TRIM58: variants seen among roughly 807,000 people sequenced by gnomAD.
The protein encoded by TRIM58 is E3 ubiquitin-protein ligase TRIM58.
TRIM58 carries 38 observed loss-of-function variants against 34.1 expected under a neutral mutation model. That is an observed-to-expected ratio of 1.12 (90% confidence interval 0.86 to 1.46). The LOEUF (loss-of-function observed/expected upper bound fraction) is 1.46. Among genes scored for constraint, TRIM58 ranks in the 40% most tolerant of loss-of-function variants. TRIM58 has a pLI of 0.00. For missense variants in TRIM58, 677 were observed against 642.0 expected (o/e 1.05, Z -0.59); for synonymous variants, 273 against 275.7 (o/e 0.99, Z 0.10).
At position 247,857,515 on chromosome 1, in the gene TRIM58, G is replaced by GGCCCGGGGCGCGGC. The variant is rs1663662918; in HGVS notation, c.271_284dup (p.Cys96ProfsTer13). ...GTGCGGCGGCTGGGGTTGGGCGCGG[G>GGCCCGGGGCGCGGC]GCCCGGGGCGCGGCGATGCGCGCGG... On this transcript the variant is annotated frameshift_variant, in exon 1 of 6. Coordinates refer to ENST00000366481, the MANE Select transcript of TRIM58 (RefSeq NM_015431.4). LOFTEE classifies it high-confidence loss of function. 12 of 1,287,806 alleles carry GGCCCGGGGCGCGGC rather than the reference G, an allele frequency of 9.3e-6. No individual in the cohort carries two copies. In the East Asian group the frequency reaches 3.5e-4, roughly 37 times the overall value. The allele number at this position is 1,287,806 out of a possible 1,614,324, so 79.8% of individuals were successfully genotyped here. A position where few individuals can be genotyped will look rare whatever the true frequency, so the allele number is the denominator to read the frequency against.
intron 1 of TRIM58, among the ~76,000 whole-genome samples, chr1:247,858,337 A>C (rs1313387201): frequency 6.6e-6 from 1 of 152,130 alleles, no homozygotes; most frequent in African/African-American, 2.4e-5. Flanking sequence ...AAATGGGAGT[A>C]TTTGGTCCCC....
Position 247,876,458 on chromosome 1 carries a change from C to T in TRIM58, c.1430C>T (p.Pro477Leu). 6.2e-7 allele frequency: 1 copy of T among 1,614,038 alleles called. No individual in the cohort carries two copies. Among genetic ancestry groups the T allele is most frequent in the Non-Finnish European group, 8.5e-7 (1 of 1,179,964 alleles). Residue 477 changes from proline (P) to leucine (L), a missense_variant, in exon 6 of 6, where the codon CCT becomes CTT. By Grantham distance (98) the Pro-to-Leu change is moderately conservative. Transcript: ENST00000366481. ...TGGGCATCCAGGGATCATTTAGATC[C>T]TGCTTCTGATGTAAGAGATGATCAT... ...GNWASRDHLD[P>L]ASDVRDDHL
rs945329236 is a variant in TRIM58 at position 247,861,797 on chromosome 1, G to T, written c.516+1085G>T. Among the ~76,000 whole-genome samples the T allele has an allele frequency of 4.3e-4, 66 of 151,846 alleles. 1 individual carries two copies. The highest frequency in any genetic ancestry group is 3.8e-4 in the Non-Finnish European group (26 of 67,986). ...CTAGATTACAATATAGATATATACGGATAGGAAAAGATAACACTTATCCCA... is the reference window on the plus strand; with the variant it reads ...CTAGATTACAATATAGATATATACGTATAGGAAAAGATAACACTTATCCCA... On this transcript the variant is annotated intron_variant, in intron 2 of 5. Transcript: ENST00000366481.
At chr1:247,869,338 G>A (rs1419471155) in intron 5 of TRIM58, among the ~76,000 whole-genome samples, 1 of 152,162 alleles carries the variant, frequency 6.6e-6, no homozygotes, top group African/African-American at 2.4e-5. Flanking sequence ...GTGAAGGACT[G>A]AAAGTTTCAA....
intron 3 of TRIM58, 138 bp from the exon 4 acceptor site, chr1:247,867,707 A>G (rs1285137444): frequency 6.9e-6 from 7 of 1,017,786 alleles, no homozygotes; most frequent in Non-Finnish European, 1.5e-6. Context: ...AAAATAGAAA[A>G]GAGATTTATT....
intron 3 of TRIM58, among the ~76,000 whole-genome samples, chr1:247,865,963 G>C (rs1004945598): frequency 6.6e-6 from 1 of 152,078 alleles, no homozygotes; most frequent in East Asian, 1.9e-4. Flanking sequence ...ATATTTGCAA[G>C]TACAATGACT....
At chr1:247,873,599 G>A (rs1043086667) in intron 5 of TRIM58, among the ~76,000 whole-genome samples, 1 of 152,180 alleles carries the variant, frequency 6.6e-6, no homozygotes, top group African/African-American at 2.4e-5. Flanking sequence ...GGATGACAAT[G>A]GTGACCCTCA....
At chr1:247,860,739 G>T (rs574367336) in intron 2 of TRIM58, 27 bp downstream of exon 2, 3 of 1,557,700 alleles carry the variant, frequency 1.9e-6, no homozygotes, top group Admixed American at 1.7e-5. Context: ...GCTTTAGGAG[G>T]CTTGCCTGTT....
At position 247,876,136 on chromosome 1, in the gene TRIM58, A is replaced by G; in HGVS notation, c.1108A>G (p.Lys370Glu). The G allele has an allele frequency of 6.2e-7, 1 of 1,614,146 alleles. No homozygotes were observed. Among genetic ancestry groups the G allele is most frequent in the Non-Finnish European group, 8.5e-7 (1 of 1,180,014 alleles). Residue 370 changes from lysine to glutamate, a missense_variant, in exon 6 of 6, where the codon AAG (lysine) becomes GAG (glutamate). Transcript: ENST00000366481. ...LGVCQDTLPR[K>E]GETTPSPENG... ...GGTCTGTCAAGACACACTGCCAAGA[A>G]AGGGGGAAACCACGCCATCTCCTGA...
chr1:247,871,648 C>T (rs1178076380), intron 5 of TRIM58, among the ~76,000 whole-genome samples: 1 of 152,116 alleles, frequency 6.6e-6, no homozygotes, highest in Non-Finnish European at 1.5e-5. Context: ...GTCATGGCAC[C>T]CTCAGACTCA....
At chr1:247,874,205 T>A (rs4925573) in intron 5 of TRIM58, among the ~76,000 whole-genome samples, 2 of 152,226 alleles carry the variant, frequency 1.3e-5, no homozygotes, top group African/African-American at 4.8e-5. Context: ...TGTACAGGAG[T>A]CATGGTGCTG....
chr1:247,875,816 G>A (rs980993163), intron 5 of TRIM58, 84 bp from the exon 6 acceptor site: 1 of 1,183,000 alleles, frequency 8.5e-7, no homozygotes, highest in Admixed American at 2.5e-5. Context: ...GTGAGGAACT[G>A]TGGGACTATT....
rs913375753 is a variant in TRIM58, at chr1:247,860,560, G to A, written c.421-57G>A. 3.2e-6 allele frequency: 4 copies of A among 1,236,332 alleles called. No individual in the cohort carries two copies. The South Asian group carries it at 5.1e-5, about 16-fold the overall frequency. 76.6% of individuals were successfully genotyped at this position (1,236,332 alleles called of 1,614,324 possible). A position where few individuals can be genotyped will look rare whatever the true frequency, so the allele number is the denominator to read the frequency against. ...GACTTTTGTATTTCCTCACACATCT[G>A]TGTGACGTTAGGTACAGATTGAGGG... On this transcript the variant is annotated intron_variant, in intron 1 of 5. Transcript: ENST00000366481.
At chr1:247,874,113 A>T (rs1277156488) in intron 5 of TRIM58, among the ~76,000 whole-genome samples, 1 of 152,244 alleles carries the variant, frequency 6.6e-6, no homozygotes, top group Non-Finnish European at 1.5e-5. Flanking sequence ...CTGATTTTGC[A>T]TTGCTATAAA....
chr1:247,867,020 A>G (rs893904540), intron 3 of TRIM58, among the ~76,000 whole-genome samples: 5 of 152,198 alleles, frequency 3.3e-5, no homozygotes, highest in African/African-American at 7.2e-5. Flanking sequence ...AATTATTAAT[A>G]TAATAAATGT....
At chr1:247,862,722 A>G (rs1663822393) in intron 2 of TRIM58, among the ~76,000 whole-genome samples, 1 of 152,206 alleles carries the variant, frequency 6.6e-6, no homozygotes, top group African/African-American at 2.4e-5. Flanking sequence ...TCCCTGTTCT[A>G]AGCCAAGTAA....
At chr1:247,874,269 G>A (rs1659224542) in intron 5 of TRIM58, among the ~76,000 whole-genome samples, 1 of 152,236 alleles carries the variant, frequency 6.6e-6, no homozygotes, top group Admixed American at 6.5e-5. Context: ...GGAAAGCAAA[G>A]GAGGAGCCAG....
intron 2 of TRIM58, among the ~76,000 whole-genome samples, chr1:247,862,724 G>T (rs58759041): frequency 0.43 from 65,255 of 152,034 alleles, 15,565 homozygotes; most frequent in South Asian, 0.53. Context: ...CCTGTTCTAA[G>T]CCAAGTAAAC....
In TRIM58 at chr1:247,876,096, A is replaced by G. The variant is rs201840058; in HGVS notation, c.1068A>G (p.Ala356=). The G allele has an allele frequency of 1.1e-5, 17 of 1,614,200 alleles. No homozygotes were observed. In the Admixed American group the frequency reaches 2.3e-4, roughly 22 times the overall value. Residue 356 remains alanine, a synonymous_variant, in exon 6 of 6, where the codon GCA becomes GCG. Transcript: ENST00000366481. ...GGGAGGTTCTGGTGGGAGAAGGAGC[A>G]GAGTGGGGTTTAGGGGTCTGTCAAG... ...HYWEVLVGEG[A]EWGLGVCQDT... is the part of the protein sequence containing the mutation.
Sources: gnomAD v4.1 joint callset for allele counts (sites outside exome capture counted in the v4.1 genomes callset) on GRCh38, gnomAD v4.1.1 for gene constraint, MANE v1.5 for transcripts, NCBI Gene and HGNC (gene_info 2026-07-23, HGNC 2026-07-21) for gene names.